Variants in LRRTM4 observed in about 807,000 individuals in gnomAD.
The protein encoded by LRRTM4 is leucine-rich repeat transmembrane neuronal protein 4.
A neutral mutation model predicts 47.6 loss-of-function variants in LRRTM4; 25 were observed. The ratio of observed to expected loss-of-function variants is 0.53; its 90% CI spans 0.38 to 0.73. The LOEUF is 0.73. Among genes scored for constraint, LRRTM4 ranks in the 30% least tolerant of loss-of-function variants. The pLI is 0.00. For synonymous variants in LRRTM4, 311 were observed against 269.5 expected (o/e 1.15, Z -1.51); for missense variants, 638 against 713.4 (o/e 0.89, Z 1.20).
intron 3 of LRRTM4, among the ~76,000 whole-genome samples, chr2:77,234,685 C>T (rs895271385): frequency 6.6e-6 from 1 of 152,100 alleles, no homozygotes; most frequent in Non-Finnish European, 1.5e-5. Flanking sequence ...ATAACTGGGG[C>T]TCTGCTCAGA....
rs150413754 is a variant in LRRTM4, at chr2:76,748,660, C to G, written c.*35G>C. ...TTAAGATGAAGGCCCTCCCTCCCCC[C>G]CATGGAGCTCCCCAGTGAGGAGTTG... On this transcript the variant is annotated 3_prime_UTR_variant, in exon 4 of 4. Transcript: ENST00000409884. 64 of 1,446,352 alleles carry G rather than the reference C, an allele frequency of 4.4e-5. No homozygotes were observed. Among genetic ancestry groups the G allele is most frequent in the Admixed American group, 2.0e-4 (12 of 59,656 alleles). The allele number at this position is 1,446,352 out of a possible 1,614,324, so 89.6% of individuals were successfully genotyped here.
intron 3 of LRRTM4, among the ~76,000 whole-genome samples, chr2:76,985,095 C>A (rs1275828361): frequency 6.6e-6 from 1 of 151,898 alleles, no homozygotes; most frequent in Non-Finnish European, 1.5e-5. Context: ...CAAGCAGTTT[C>A]TCTTATACAA....
rs774697360 is a variant in LRRTM4 at position 77,306,897 on chromosome 2, A to ATTTTTTTTTTTTTTTTTTTTTTTTTTT, written c.1551+211420_1551+211421insAAAAAAAAAAAAAAAAAAAAAAAAAAA. Among the ~76,000 whole-genome samples, 4 of 112,412 alleles carry ATTTTTTTTTTTTTTTTTTTTTTTTTTT rather than the reference A, an allele frequency of 3.6e-5. 1 individual carries two copies. Among genetic ancestry groups the ATTTTTTTTTTTTTTTTTTTTTTTTTTT allele is most frequent in the African/African-American group, 1.3e-4 (3 of 23,094 alleles). 73.7% of individuals were successfully genotyped at this position (112,412 alleles called of 152,430 possible). ...AAATAGCTATATACTGCTTTTCCAT[A>ATTTTTTTTTTTTTTTTTTTTTTTTTTT]TTTTTTTTTTTTTTTTTTTTGAGAT... On this transcript the variant is annotated intron_variant, in intron 3 of 3. Transcript: ENST00000409884.
chr2:77,016,203 T>C (rs1226064538), intron 3 of LRRTM4, among the ~76,000 whole-genome samples: 3 of 151,912 alleles, frequency 2.0e-5, no homozygotes, highest in African/African-American at 7.3e-5. Context: ...CTGGCCAACA[T>C]TGTGACATCC....
intron 3 of LRRTM4, among the ~76,000 whole-genome samples, chr2:76,806,831 A>G (rs111649106): frequency 1.1e-4 from 17 of 152,172 alleles, no homozygotes; most frequent in Admixed American, 7.9e-4. Context: ...TTTTTAATAT[A>G]TATTGGTACT....
chr2:77,140,139 G>T (rs1456903580), intron 3 of LRRTM4, among the ~76,000 whole-genome samples: 2 of 152,062 alleles, frequency 1.3e-5, no homozygotes, highest in Non-Finnish European at 2.9e-5. Context: ...AAGTTCATAT[G>T]GAACCAAAAA....
chr2:77,378,004 T>A (rs530965315), intron 3 of LRRTM4, among the ~76,000 whole-genome samples: 95 of 152,146 alleles, frequency 6.2e-4, no homozygotes, highest in African/African-American at 2.2e-3. Context: ...CTTTGGTAAT[T>A]TAGGTTCTCT....
intron 3 of LRRTM4, among the ~76,000 whole-genome samples, chr2:76,813,476 A>C (rs989318646): frequency 1.3e-5 from 2 of 152,152 alleles, no homozygotes; most frequent in African/African-American, 4.8e-5. Context: ...ACAGAGTATA[A>C]AAATATTTAT....
At position 76,796,371 on chromosome 2, in the gene LRRTM4, G is replaced by GACAA. The variant is rs1201229599; in HGVS notation, c.1552-47459_1552-47456dup. ...GCTCCACCTCTGGGGGCAGGGCACA[G>GACAA]ACAAACAAAAAGACAGCAGTAACCT... On this transcript the variant is annotated intron_variant, in intron 3 of 3. Transcript: ENST00000409884. Among the ~76,000 whole-genome samples, 4 of 129,380 alleles carry GACAA rather than the reference G, an allele frequency of 3.1e-5. No individual in the cohort carries two copies. In the East Asian group the frequency reaches 9.4e-4, roughly 30 times the overall value. 84.9% of individuals were successfully genotyped at this position (129,380 alleles called of 152,430 possible).
intron 3 of LRRTM4, among the ~76,000 whole-genome samples, chr2:77,078,905 G>A (rs1225451205): frequency 2.0e-5 from 3 of 152,146 alleles, no homozygotes; most frequent in African/African-American, 7.2e-5. Flanking sequence ...GACAGATTCT[G>A]TTTCTGGTGA....
intron 3 of LRRTM4, among the ~76,000 whole-genome samples, chr2:76,832,238 G>A (rs1671374093): frequency 6.6e-6 from 1 of 152,062 alleles, no homozygotes; most frequent in African/African-American, 2.4e-5. Flanking sequence ...CAATTTGGAA[G>A]TTTGTCGTAG....
intron 3 of LRRTM4, among the ~76,000 whole-genome samples, chr2:77,489,278 C>G (rs555579087): frequency 6.6e-6 from 1 of 152,270 alleles, no homozygotes; most frequent in Admixed American, 6.5e-5. Context: ...GTTATGTCCA[C>G]AGGTAGTCCT....
intron 3 of LRRTM4, among the ~76,000 whole-genome samples, chr2:76,895,180 T>C (rs930947175): frequency 2.0e-5 from 3 of 152,034 alleles, no homozygotes; most frequent in Non-Finnish European, 2.9e-5. Context: ...CTAATATTTA[T>C]AGCATCCTGT....
intron 3 of LRRTM4, among the ~76,000 whole-genome samples, chr2:77,222,908 C>T (rs1009178951): frequency 6.6e-6 from 1 of 151,718 alleles, no homozygotes; most frequent in African/African-American, 2.4e-5. Flanking sequence ...CAATAAAAAA[C>T]GAGAATTTTA....
chr2:76,772,205 C>T (rs1353415045), intron 3 of LRRTM4, among the ~76,000 whole-genome samples: 1 of 152,078 alleles, frequency 6.6e-6, no homozygotes, highest in Non-Finnish European at 1.5e-5. Flanking sequence ...TACTCTTTTC[C>T]ACCAAATGCA....
intron 3 of LRRTM4, among the ~76,000 whole-genome samples, chr2:76,967,695 T>G (rs913958361): frequency 6.6e-6 from 1 of 151,790 alleles, no homozygotes; most frequent in African/African-American, 2.4e-5. Flanking sequence ...AATGCCCTTT[T>G]TCTTCAGCTA....
In LRRTM4 at chr2:76,913,908, A is replaced by G. The variant is rs1674157216; in HGVS notation, c.1552-164992T>C. On this transcript the variant is annotated intron_variant, in intron 3 of 3. Coordinates refer to ENST00000409884, the MANE Select transcript of LRRTM4 (RefSeq NM_001134745.3). ...GTATGAAATAATCATAGTGATAGGA[A>G]ACTTCCCTTTTTTAGAGCATATGCT... 2.0e-5 allele frequency among the ~76,000 whole-genome samples: 3 copies of G among 152,072 alleles called. No individual in the cohort carries two copies. In the South Asian group the frequency reaches 6.2e-4, roughly 31 times the overall value.
chr2:76,845,407 G>A (rs1178995070), intron 3 of LRRTM4, among the ~76,000 whole-genome samples: 1 of 152,086 alleles, frequency 6.6e-6, no homozygotes, highest in African/African-American at 2.4e-5. Flanking sequence ...CACAAGAATT[G>A]GATGAATCCA....
At chr2:77,495,614 G>T (rs1678332429) in intron 3 of LRRTM4, among the ~76,000 whole-genome samples, 1 of 151,924 alleles carries the variant, frequency 6.6e-6, no homozygotes, top group African/African-American at 2.4e-5. Context: ...GCATACGGAT[G>T]GCAAACATCA....
Sources: allele counts gnomAD v4.1 joint callset (sites outside exome capture counted in the v4.1 genomes callset), GRCh38; gene constraint gnomAD v4.1.1; transcripts MANE v1.5; gene names NCBI Gene and HGNC (gene_info 2026-07-23, HGNC 2026-07-21).